Variants in EIF4G3 observed in about 807,000 individuals in gnomAD.
EIF4G3 encodes eukaryotic translation initiation factor 4 gamma 3.
A neutral mutation model predicts 186.4 loss-of-function variants in EIF4G3; 34 were observed. The observed-to-expected ratio is 0.18, with a 90% CI of 0.14 to 0.24. The LOEUF is 0.24. Among genes scored for constraint, EIF4G3 ranks in the 10% least tolerant of loss-of-function variants. The pLI, the probability that EIF4G3 is intolerant of heterozygous loss-of-function variation, is 1.00. For missense variants in EIF4G3, 1,536 were observed against 1,948.5 expected, an observed-to-expected ratio of 0.79 and a Z score of 3.99; for synonymous variants, 673 against 679.5, an observed-to-expected ratio of 0.99 and a Z score of 0.15.
chr1:21,131,262 GA>G lies in EIF4G3; in HGVS notation c.-271-42050del, dbSNP rs556139914. Among the ~76,000 whole-genome samples the G allele has an allele frequency of 1.4e-3, 177 of 127,964 alleles. 1 individual carries two copies. The highest frequency in any genetic ancestry group is 4.8e-3 in the African/African-American group (171 of 35,276). The allele number at this position is 127,964 out of a possible 152,430, so 83.9% of individuals were successfully genotyped here. On this transcript the variant is annotated intron_variant, in intron 2 of 36. Coordinates refer to ENST00000602326, the MANE Select transcript of EIF4G3 (RefSeq NM_001391906.1). ...CTCAAAAAAAAAAAAAAAAATCAAC[GA>G]ACTTAAAGATACATTAAGATGTATC...
At chr1:21,073,028 A>T (rs2095488068) in intron 3 of EIF4G3, among the ~76,000 whole-genome samples, 2 of 152,184 alleles carry the variant, frequency 1.3e-5, no homozygotes, top group Admixed American at 6.6e-5. Context: ...TTACCCAATG[A>T]CACACACAGC....
chr1:20,821,393 A>C (rs551965618), intron 33 of EIF4G3, among the ~76,000 whole-genome samples: 106 of 152,312 alleles, frequency 7.0e-4, no homozygotes, highest in Non-Finnish European at 3.2e-4. Context: ...AAATTCACTG[A>C]AATTTATCAG....
At chr1:21,005,507 C>T (rs570638186) in intron 4 of EIF4G3, among the ~76,000 whole-genome samples, 1 of 152,076 alleles carries the variant, frequency 6.6e-6, no homozygotes, top group Non-Finnish European at 1.5e-5. Flanking sequence ...TCATAGCTGT[C>T]GTACTATTGA....
Position 20,976,633 on chromosome 1 carries a change from A to G in EIF4G3, c.494-3534T>C, listed in dbSNP as rs559409697. 3.9e-5 allele frequency among the ~76,000 whole-genome samples: 6 copies of G among 152,350 alleles called. No homozygotes were observed. The East Asian group carries it at 9.6e-4, about 24-fold the overall frequency. Reference sequence around the variant, plus strand: ...CAGCACAATATCTAACAGACTTACTATAAGAAACTGAATGGCAGGAAGAGT... The same window carrying G: ...CAGCACAATATCTAACAGACTTACTGTAAGAAACTGAATGGCAGGAAGAGT... On this transcript the variant is annotated intron_variant, in intron 10 of 36. Transcript: ENST00000602326.
chr1:21,023,812 G>A (rs1343291462), intron 4 of EIF4G3, among the ~76,000 whole-genome samples: 2 of 143,868 alleles, frequency 1.4e-5, no homozygotes, highest in African/African-American at 5.4e-5. Context: ...TAGGAAGTGA[G>A]GAGCGCCTCT....
chr1:20,843,649 T>G (rs2069554371), intron 29 of EIF4G3, among the ~76,000 whole-genome samples: 1 of 152,200 alleles, frequency 6.6e-6, no homozygotes, highest in Non-Finnish European at 1.5e-5. Context: ...ATATATATTT[T>G]TTAAACTTTT....
chr1:21,095,024 C>T (rs1572463964), intron 2 of EIF4G3, among the ~76,000 whole-genome samples: 2 of 151,958 alleles, frequency 1.3e-5, no homozygotes, highest in South Asian at 4.1e-4. Flanking sequence ...CAATTTTAAA[C>T]TCTGTTTCAA....
At chr1:20,901,742 A>G (rs1269890668) in intron 15 of EIF4G3, among the ~76,000 whole-genome samples, 2 of 152,182 alleles carry the variant, frequency 1.3e-5, no homozygotes, top group South Asian at 2.1e-4. Context: ...TTAAATATTT[A>G]TGGGTTTTTT....
chr1:20,918,219 T>C (rs942854654), intron 14 of EIF4G3, among the ~76,000 whole-genome samples: 6 of 152,140 alleles, frequency 3.9e-5, no homozygotes, highest in Non-Finnish European at 8.8e-5. Context: ...AAGTTTATTA[T>C]TTATTTTTTA....
intron 24 of EIF4G3, 98 bp downstream of exon 24, chr1:20,860,287 T>C: frequency 6.6e-7 from 1 of 1,512,684 alleles, no homozygotes; most frequent in Non-Finnish European, 9.0e-7. Flanking sequence ...TTCTTTGGGC[T>C]GTTCTTTCTG....
intron 14 of EIF4G3, among the ~76,000 whole-genome samples, chr1:20,939,667 TTTTC>T (rs1316298442): frequency 2.6e-5 from 4 of 152,172 alleles, no homozygotes; most frequent in Non-Finnish European, 5.9e-5. Flanking sequence ...ATTGTTTTGT[TTTTC>T]TTTGCTTTTA....
At chr1:20,982,456 T>C (rs747737495) in intron 7 of EIF4G3, 48 bp from the exon 8 acceptor site, 18 of 1,488,486 alleles carry the variant, frequency 1.2e-5, no homozygotes, top group Non-Finnish European at 1.6e-5. Flanking sequence ...AGAAAGCCAA[T>C]GGAAAAGCTT....
chr1:21,054,521 A>G (rs1425271990), intron 3 of EIF4G3, among the ~76,000 whole-genome samples: 1 of 152,154 alleles, frequency 6.6e-6, no homozygotes. Flanking sequence ...TGACATAGTA[A>G]TATATGTTCT....
At chr1:21,010,355 G>C (rs2154569773) in intron 4 of EIF4G3, among the ~76,000 whole-genome samples, 1 of 150,528 alleles carries the variant, frequency 6.6e-6, no homozygotes, top group Non-Finnish European at 1.5e-5. Flanking sequence ...AGGAGGCGAA[G>C]GTTGCAGTAA....
intron 23 of EIF4G3, among the ~76,000 whole-genome samples, chr1:20,861,565 CAG>C (rs1363743277): frequency 3.3e-5 from 5 of 152,170 alleles, no homozygotes; most frequent in Non-Finnish European, 7.4e-5. Flanking sequence ...ATGTAAGGCT[CAG>C]AGAGTTAAAG....
chr1:21,050,777 T>G, intron 4 of EIF4G3, 89 bp downstream of exon 4: 1 of 645,878 alleles, frequency 1.5e-6, no homozygotes, highest in South Asian at 1.8e-5. Context: ...AGTAATGTTT[T>G]ATGTTACTGC....
chr1:21,024,680 T>C (rs1365283482), intron 4 of EIF4G3, among the ~76,000 whole-genome samples: 2 of 150,390 alleles, frequency 1.3e-5, no homozygotes, highest in African/African-American at 4.9e-5. Context: ...GTTAAACAGA[T>C]GCCTGAAGGC....
intron 4 of EIF4G3, among the ~76,000 whole-genome samples, chr1:21,048,676 C>A (rs767597467): frequency 3.9e-5 from 6 of 152,076 alleles, no homozygotes; most frequent in African/African-American, 1.4e-4. Flanking sequence ...AACCTCCCTG[C>A]GAACAGCTTT....
At chr1:20,948,076 C>T (rs1212360084) in intron 13 of EIF4G3, among the ~76,000 whole-genome samples, 2 of 152,118 alleles carry the variant, frequency 1.3e-5, no homozygotes, top group African/African-American at 4.8e-5. Context: ...AAAGTCTGCA[C>T]AGAAGATATA....
Sources: allele counts gnomAD v4.1 joint callset (sites outside exome capture counted in the v4.1 genomes callset), GRCh38; gene constraint gnomAD v4.1.1; transcripts MANE v1.5; gene names NCBI Gene and HGNC (gene_info 2026-07-23, HGNC 2026-07-21).